Variants in KIF21B observed in about 807,000 individuals in gnomAD.
KIF21B encodes the protein kinesin family member 21B.
In KIF21B, 85 loss-of-function variants were observed where a neutral mutation model predicts 192.9. The ratio of observed to expected loss-of-function variants is 0.44; its 90% CI spans 0.37 to 0.53. The LOEUF is 0.53. Among genes scored for constraint, KIF21B ranks in the 20% least tolerant of loss-of-function variants. The pLI is 0.00. For missense variants in KIF21B, 1,716 were observed against 2,194.8 expected, an observed-to-expected ratio of 0.78 and a Z score of 4.36; for synonymous variants, 832 against 884.6, an observed-to-expected ratio of 0.94 and a Z score of 1.05.
intron 1 of KIF21B, among the ~76,000 whole-genome samples, chr1:201,020,904 G>A (rs1006193970): frequency 3.3e-5 from 5 of 151,496 alleles, no homozygotes; most frequent in South Asian, 2.1e-4. Flanking sequence ...CTCCAGGCTC[G>A]CTATGTTATT....
intron 27 of KIF21B, 84 bp downstream of exon 27, chr1:200,984,775 G>C: frequency 9.4e-7 from 1 of 1,063,310 alleles, no homozygotes; most frequent in South Asian, 1.7e-5. Context: ...TTGGCCACCT[G>C]AGCCCTCCTC....
At chr1:200,995,898 A>G (rs1433804662) in intron 15 of KIF21B, among the ~76,000 whole-genome samples, 2 of 152,104 alleles carry the variant, frequency 1.3e-5, no homozygotes, top group Non-Finnish European at 2.9e-5. Flanking sequence ...AGCCTCCCCA[A>G]CAGGAGGCAG....
intron 1 of KIF21B, among the ~76,000 whole-genome samples, chr1:201,014,439 G>A (rs1658393143): frequency 6.6e-6 from 1 of 152,220 alleles, no homozygotes; most frequent in Non-Finnish European, 1.5e-5. Context: ...GGACAGAGGA[G>A]ACAGGGAGGA....
At chr1:200,974,649 C>A (rs575333404) in intron 34 of KIF21B, 65 bp downstream of exon 34, 36 of 1,464,906 alleles carry the variant, frequency 2.5e-5, no homozygotes, top group Non-Finnish European at 3.1e-5. Context: ...AGCCTCCCAG[C>A]CTCCCCTGCC....
At chr1:201,006,780 A>T (rs960959057) in intron 3 of KIF21B, among the ~76,000 whole-genome samples, 1 of 152,152 alleles carries the variant, frequency 6.6e-6, no homozygotes, top group Non-Finnish European at 1.5e-5. Flanking sequence ...ACACAGACAC[A>T]GACACGAACA....
At chr1:200,980,584 G>A (rs1006528189) in intron 29 of KIF21B, among the ~76,000 whole-genome samples, 1 of 152,244 alleles carries the variant, frequency 6.6e-6, no homozygotes, top group Non-Finnish European at 1.5e-5. Flanking sequence ...CTTTGTTGCT[G>A]TAATCAGGTG....
intron 1 of KIF21B, among the ~76,000 whole-genome samples, chr1:201,022,142 C>G (rs1369161139): frequency 6.6e-6 from 1 of 152,216 alleles, no homozygotes; most frequent in African/African-American, 2.4e-5. Context: ...GCTGCAGAGG[C>G]CTGGCCAGGT....
chr1:200,991,243 C>T, intron 17 of KIF21B, 94 bp from the exon 18 acceptor site: 2 of 975,394 alleles, frequency 2.1e-6, no homozygotes, highest in Non-Finnish European at 3.1e-6. Flanking sequence ...AGCAGGAACA[C>T]AGAGGCTGCT....
rs373022418 is a variant in KIF21B at position 200,990,132 on chromosome 1, G to C, written c.3030+6C>G. 6.2e-7 allele frequency: 1 copy of C among 1,612,050 alleles called. No homozygotes were observed. Among genetic ancestry groups the C allele is most frequent in the Admixed American group, 1.7e-5 (1 of 59,952 alleles). On this transcript the variant is annotated splice_donor_region_variant and intron_variant, in intron 20 of 34. Transcript: ENST00000461742. This position sits in a 1 kb window ranked among gnomAD's most constrained non-coding sequence, Gnocchi z 5.4. ...TCCGCCCCAGCAGGCCCAGCCCTGC[G>C]GATACCTTGGTCTCCTCCAGCTGCA...
chr1:200,992,198 G>A (rs891322087), intron 16 of KIF21B, 84 bp downstream of exon 16: 1 of 1,204,166 alleles, frequency 8.3e-7, no homozygotes, highest in East Asian at 2.4e-5. Context: ...AGGCCCGCTT[G>A]GTCAGGAGGG....
chr1:200,973,919 G>A (rs1655369209), intron 34 of KIF21B: 8 of 1,509,650 alleles, frequency 5.3e-6, no homozygotes, highest in Non-Finnish European at 7.1e-6. Flanking sequence ...AGGACGGTGG[G>A]TGCAGGAGGG....
chr1:201,005,719 T>C, intron 3 of KIF21B, 25 bp from the exon 4 acceptor site: 1 of 1,608,960 alleles, frequency 6.2e-7, no homozygotes, highest in Non-Finnish European at 8.5e-7. Flanking sequence ...AACAGCTGAA[T>C]TCATAGGGCA....
At chr1:201,021,861 G>A (rs1658847971) in intron 1 of KIF21B, among the ~76,000 whole-genome samples, 1 of 152,056 alleles carries the variant, frequency 6.6e-6, no homozygotes, top group Admixed American at 6.5e-5. Context: ...TGCTGCAGAT[G>A]CCATATTTAC....
At chr1:201,004,598 A>G in intron 6 of KIF21B, 143 bp from the exon 7 acceptor site, 2 of 1,123,384 alleles carry the variant, frequency 1.8e-6, no homozygotes, top group East Asian at 2.6e-5. Context: ...AGGCACATGG[A>G]TAAGTTGGTG....
rs1028030117 is a variant in KIF21B, at chr1:200,999,216, T to C, written c.1885+133A>G. ...TGCCATCATTCTCATCATGACTGCCTGTTGTCATTGGTTTCACGTCTGGGA... is the reference window on the plus strand; with the variant it reads ...TGCCATCATTCTCATCATGACTGCCCGTTGTCATTGGTTTCACGTCTGGGA... On this transcript the variant is annotated intron_variant, in intron 13 of 34. Transcript: ENST00000461742. The surrounding 1 kb of genome is among the most constrained non-coding windows in gnomAD (Gnocchi z 4.7). 1 of 1,047,832 alleles carries C rather than the reference T, an allele frequency of 9.5e-7. No individual in the cohort carries two copies. Among genetic ancestry groups the C allele is most frequent in the Non-Finnish European group, 1.5e-6 (1 of 679,732 alleles). The allele number at this position is 1,047,832 out of a possible 1,614,324, so 64.9% of individuals were successfully genotyped here.
chr1:201,023,264 C>T lies in KIF21B; in HGVS notation c.41+79G>A. The T allele has an allele frequency of 6.1e-6, 8 of 1,308,140 alleles. No individual in the cohort carries two copies. The highest frequency in any genetic ancestry group is 8.2e-6 in the Non-Finnish European group (8 of 970,048). The allele number at this position is 1,308,140 out of a possible 1,614,324, so 81.0% of individuals were successfully genotyped here. ...TGCAGGCTCCAGCCCAAGCGGTGCTCGCGCCCCCCGCCCAAAGCCCACGCG... is the reference window on the plus strand; with the variant it reads ...TGCAGGCTCCAGCCCAAGCGGTGCTTGCGCCCCCCGCCCAAAGCCCACGCG... On this transcript the variant is annotated intron_variant, in intron 1 of 34. Transcript: ENST00000461742. This position sits in a 1 kb window ranked among gnomAD's most constrained non-coding sequence, Gnocchi z 5.9.
chr1:200,975,475 C>G lies in KIF21B; in HGVS notation c.4614+24G>C, dbSNP rs748729479. Reference sequence around the variant, plus strand: ...GGAAACCACCCTACCCGAGTCTACCCTCTCCCTTTCCTCCTGACCCCACCT... The same window carrying G: ...GGAAACCACCCTACCCGAGTCTACCGTCTCCCTTTCCTCCTGACCCCACCT... On this transcript the variant is annotated intron_variant, in intron 33 of 34. Coordinates refer to ENST00000461742, the MANE Select transcript of KIF21B (RefSeq NM_001252102.2). This position sits in a 1 kb window ranked among gnomAD's most constrained non-coding sequence, Gnocchi z 4.3. The G allele has an allele frequency of 6.3e-7, 1 of 1,597,704 alleles. No homozygotes were observed. Among genetic ancestry groups the G allele is most frequent in the Admixed American group, 1.7e-5 (1 of 59,468 alleles).
At chr1:201,020,682 A>G (rs975535979) in intron 1 of KIF21B, among the ~76,000 whole-genome samples, 4 of 152,182 alleles carry the variant, frequency 2.6e-5, no homozygotes, top group African/African-American at 9.7e-5. Context: ...CCAGGAGCCC[A>G]GGCCTTCACT....
In KIF21B at chr1:201,000,346, G is replaced by A. The variant is rs113376390; in HGVS notation, c.1685+44C>T. 2.1e-5 allele frequency: 32 copies of A among 1,509,916 alleles called. 4 individuals are homozygous for A. The African/African-American group carries it at 2.9e-4, about 14-fold the overall frequency. The allele number at this position is 1,509,916 out of a possible 1,614,324, so 93.5% of individuals were successfully genotyped here. A position where few individuals can be genotyped will look rare whatever the true frequency, so the allele number is the denominator to read the frequency against. ...CTTGGGGACGGGCAGGGTCCACTGG[G>A]GCGGTCTGAGGGCTCTCAGGGGCGG... On this transcript the variant is annotated intron_variant, in intron 11 of 34. Transcript: ENST00000461742. The surrounding 1 kb of genome is among the most constrained non-coding windows in gnomAD (Gnocchi z 6.0).
Sources: gnomAD v4.1 joint callset for allele counts (sites outside exome capture counted in the v4.1 genomes callset) on GRCh38, gnomAD v4.1.1 for gene constraint, Gnocchi (gnomAD v3.1) non-coding constraint, MANE v1.5 for transcripts, NCBI Gene and HGNC (gene_info 2026-07-23, HGNC 2026-07-21) for gene names.